Variants in NRXN1 observed in about 807,000 individuals in gnomAD.
NRXN1 encodes the protein neurexin 1, also known as neurexin-1.
NRXN1 carries 39 observed loss-of-function variants against 150.9 expected under a neutral mutation model. The ratio of observed to expected loss-of-function variants is 0.26; its 90% CI spans 0.20 to 0.34. The LOEUF (loss-of-function observed/expected upper bound fraction) is 0.34. Among genes scored for constraint, NRXN1 ranks in the 10% least tolerant of loss-of-function variants. The pLI, the probability that NRXN1 is intolerant of heterozygous loss-of-function variation, is 1.00. For missense variants in NRXN1, 1,815 were observed against 1,949.9 expected (o/e 0.93, Z 1.30); for synonymous variants, 924 against 757.0 (o/e 1.22, Z -3.62).
In NRXN1 at chr2:50,497,368, A is replaced by G. The variant is rs1406519055; in HGVS notation, c.2844T>C (p.Asp948=). The G allele has an allele frequency of 6.4e-7, 1 of 1,555,824 alleles. No homozygotes were observed. Among genetic ancestry groups the G allele is most frequent in the Non-Finnish European group, 8.7e-7 (1 of 1,149,780 alleles). ...ATTCAACCACAATAAAGTCATTTCC[A>G]TCCCCACTGTTATATAGAATTAATC... ...LDGLILYNSG[D]GNDFIVVELV... The change falls in exon 14 of 23, where the codon GAT becomes GAC. Residue 948 remains aspartate (D), a synonymous_variant. Coordinates refer to ENST00000401669, the MANE Select transcript of NRXN1 (RefSeq NM_001330078.2).
rs1317245494 is a variant in NRXN1, at chr2:49,918,966, AAAG to A, written c.*2975_*2977del. On this transcript the variant is annotated 3_prime_UTR_variant, in exon 23 of 23. Coordinates refer to ENST00000401669, the MANE Select transcript of NRXN1 (RefSeq NM_001330078.2). ...GCAACAGAAAAACAAACAAACAAAA[AAAG>A]AAGAAGAAAACCCCTTTGATACCCA... 11 of 152,266 alleles carry A rather than the reference AAAG, an allele frequency of 7.2e-5. No homozygotes were observed. The highest frequency in any genetic ancestry group is 4.1e-4 in the South Asian group (2 of 4,828). The allele number at this position is 152,266 out of a possible 1,614,324, so 9.4% of individuals were successfully genotyped here. A position where few individuals can be genotyped will look rare whatever the true frequency, so the allele number is the denominator to read the frequency against.
intron 8 of NRXN1, among the ~76,000 whole-genome samples, chr2:50,586,728 A>G (rs970131060): frequency 1.3e-5 from 2 of 152,146 alleles, no homozygotes; most frequent in Admixed American, 6.5e-5. Context: ...CATTACCCTA[A>G]GTGGAAGGGG....
intron 5 of NRXN1, among the ~76,000 whole-genome samples, chr2:50,831,256 T>C (rs935679872): frequency 2.6e-5 from 4 of 152,218 alleles, no homozygotes; most frequent in African/African-American, 7.2e-5. Context: ...AGGATAAATC[T>C]CAATAATAGA....
chr2:50,050,438 C>A (rs968941351), intron 21 of NRXN1, among the ~76,000 whole-genome samples: 1 of 151,940 alleles, frequency 6.6e-6, no homozygotes. Context: ...TTAAGTGGCT[C>A]AGTGTTATCA....
chr2:51,029,261 C>G (rs1671103948), intron 1 of NRXN1, 67 bp from the exon 2 acceptor site: 1 of 152,202 alleles, frequency 6.6e-6, no homozygotes, highest in African/African-American at 2.4e-5. Context: ...CATTATTCAG[C>G]TCATAACACA....
intron 15 of NRXN1, among the ~76,000 whole-genome samples, chr2:50,485,834 A>G (rs1409920826): frequency 2.6e-5 from 4 of 152,232 alleles, no homozygotes; most frequent in Non-Finnish European, 4.4e-5. Context: ...CCAGACCAAG[A>G]GTCCCAACAT....
intron 2 of NRXN1, among the ~76,000 whole-genome samples, chr2:50,938,440 AG>A (rs1688875547): frequency 6.6e-6 from 1 of 152,164 alleles, no homozygotes; most frequent in African/African-American, 2.4e-5. Flanking sequence ...ACAAGACTCT[AG>A]GAAGTTCCAA....
rs578255314 is a variant in NRXN1 at position 50,563,772 on chromosome 2, A to G, written c.1321-10747T>C. ...AATTTTCCTAAAGCAATAAAAAACC[A>G]TAGGACTTCTATGCTTCCTCAACCT... On this transcript the variant is annotated intron_variant, in intron 8 of 22. Coordinates refer to ENST00000401669, the MANE Select transcript of NRXN1 (RefSeq NM_001330078.2). 2.6e-5 allele frequency among the ~76,000 whole-genome samples: 4 copies of G among 152,340 alleles called. No homozygotes were observed. The East Asian group carries it at 7.7e-4, about 29-fold the overall frequency.
intron 5 of NRXN1, among the ~76,000 whole-genome samples, chr2:50,647,397 G>C (rs1414950999): frequency 6.6e-6 from 1 of 151,804 alleles, no homozygotes; most frequent in Admixed American, 6.6e-5. Flanking sequence ...AACTATCTAT[G>C]GAACTGAAAA....
intron 8 of NRXN1, among the ~76,000 whole-genome samples, chr2:50,592,172 A>G (rs565100901): frequency 2.6e-5 from 4 of 152,320 alleles, no homozygotes; most frequent in East Asian, 1.9e-4. Context: ...TCTAATTACC[A>G]CTAATTTACA....
intron 5 of NRXN1, among the ~76,000 whole-genome samples, chr2:50,695,873 C>T (rs895189156): frequency 4.2e-5 from 5 of 119,088 alleles, no homozygotes; most frequent in Non-Finnish European, 6.5e-5. Context: ...GATGGAGCTT[C>T]GCTCTTTCAC....
intron 19 of NRXN1, among the ~76,000 whole-genome samples, chr2:50,061,075 A>T (rs1215934873): frequency 1.3e-5 from 2 of 152,200 alleles, no homozygotes; most frequent in Admixed American, 1.3e-4. Context: ...CATGATTTTC[A>T]TAAAAATGTT....
At chr2:50,605,399 G>A (rs1676930399) in intron 8 of NRXN1, among the ~76,000 whole-genome samples, 1 of 152,156 alleles carries the variant, frequency 6.6e-6, no homozygotes, top group African/African-American at 2.4e-5. Flanking sequence ...GAACACATTT[G>A]GAGGAGTTGC....
chr2:50,408,566 G>A (rs899743177), intron 17 of NRXN1, among the ~76,000 whole-genome samples: 18 of 152,148 alleles, frequency 1.2e-4, no homozygotes, highest in Non-Finnish European at 2.2e-4. Flanking sequence ...ATGACATGAT[G>A]TAGCATGCAT....
chr2:49,967,214 TTATATGACA>T (rs1677114258), intron 21 of NRXN1, among the ~76,000 whole-genome samples: 1 of 152,054 alleles, frequency 6.6e-6, no homozygotes. Flanking sequence ...TATACAACGG[TTATATGACA>T]TATTCACATT....
At chr2:50,871,440 C>A (rs1445135784) in intron 5 of NRXN1, among the ~76,000 whole-genome samples, 2 of 151,698 alleles carry the variant, frequency 1.3e-5, no homozygotes, top group East Asian at 2.0e-4. Flanking sequence ...ATAAGGTGAA[C>A]AAACGTAGAA....
At chr2:50,005,281 G>A (rs969101406) in intron 21 of NRXN1, among the ~76,000 whole-genome samples, 3 of 152,006 alleles carry the variant, frequency 2.0e-5, no homozygotes, top group African/African-American at 7.2e-5. Context: ...TACTATGCAC[G>A]ACAAAGATAT....
At chr2:50,202,873 G>A (rs554841793) in intron 18 of NRXN1, among the ~76,000 whole-genome samples, 6 of 151,542 alleles carry the variant, frequency 4.0e-5, no homozygotes, top group Non-Finnish European at 8.8e-5. Flanking sequence ...TTTTTGTTTA[G>A]ACTTTTAAAA....
intron 5 of NRXN1, among the ~76,000 whole-genome samples, chr2:50,681,093 A>C (rs1690318605): frequency 6.6e-6 from 1 of 152,222 alleles, no homozygotes; most frequent in Non-Finnish European, 1.5e-5. Flanking sequence ...ACATTAAAAA[A>C]CAGAGAAGTT....
Sources: gnomAD v4.1 joint callset for allele counts (sites outside exome capture counted in the v4.1 genomes callset) on GRCh38, gnomAD v4.1.1 for gene constraint, MANE v1.5 for transcripts, NCBI Gene and HGNC (gene_info 2026-07-23, HGNC 2026-07-21) for gene names.